KLF15: variants seen among roughly 807,000 people sequenced by gnomAD.
The protein encoded by KLF15 is KLF transcription factor 15, also known as Krueppel-like factor 15.
KLF15 carries 4 observed loss-of-function variants against 24.6 expected under a neutral mutation model. That is an observed-to-expected ratio of 0.16 (90% CI 0.08 to 0.37). The LOEUF (loss-of-function observed/expected upper bound fraction) is 0.37. KLF15 is among the 10% of genes least tolerant of loss of function. KLF15 has a pLI of 1.00. For synonymous variants in KLF15, 246 were observed against 236.3 expected, an observed-to-expected ratio of 1.04 and a Z score of -0.37; for missense variants, 496 against 560.6, an observed-to-expected ratio of 0.88 and a Z score of 1.16.
chr3:126,311,415 C>T, the KLF15 span, among the ~76,000 whole-genome samples: 2 of 152,194 alleles, frequency 1.3e-5, no homozygotes, highest in Non-Finnish European at 2.9e-5. Flanking sequence ...AGGTGTTCAC[C>T]TCGGGTGAAC....
the KLF15 span, among the ~76,000 whole-genome samples, chr3:126,333,834 C>G: frequency 7.0e-6 from 1 of 143,442 alleles, no homozygotes; most frequent in Non-Finnish European, 1.5e-5. Context: ...AAGGCCATTA[C>G]ATAATGGTAA....
the KLF15 span, among the ~76,000 whole-genome samples, chr3:126,307,247 C>T: frequency 6.6e-6 from 1 of 152,178 alleles, no homozygotes; most frequent in South Asian, 2.1e-4. Context: ...CCACCCAGCA[C>T]CCTTCCTGGG....
the KLF15 span, among the ~76,000 whole-genome samples, chr3:126,290,203 A>T: frequency 6.6e-6 from 1 of 150,794 alleles, no homozygotes; most frequent in Non-Finnish European, 1.5e-5. Context: ...TCACATTTCT[A>T]TTTTGCTTTT....
the KLF15 span, among the ~76,000 whole-genome samples, chr3:126,297,190 T>C: frequency 6.6e-6 from 1 of 152,126 alleles, no homozygotes; most frequent in South Asian, 2.1e-4. Flanking sequence ...TGTTTTATAT[T>C]TGCTTAAAGA....
rs1331947552 is a variant in KLF15 at position 126,356,372 on chromosome 3, C to T, written c.-26+865G>A. On this transcript the variant is annotated intron_variant, in intron 1 of 2. Transcript: ENST00000296233. The surrounding 1 kb of genome is among the most constrained non-coding windows in gnomAD (Gnocchi z 4.4). ...TCCGAGGGCCGTGGGAGAAAACAGC[C>T]CCTCTGTGCCCTCCGTGAGAGGGGG... Among the ~76,000 whole-genome samples, 1 of 152,140 alleles carries T rather than the reference C, an allele frequency of 6.6e-6. No homozygotes were observed. Among genetic ancestry groups the T allele is most frequent in the African/African-American group, 2.4e-5 (1 of 41,434 alleles).
chr3:126,305,620 GTCACACT>G, the KLF15 span, among the ~76,000 whole-genome samples: 63,909 of 151,770 alleles, frequency 0.42, 13,685 homozygotes, highest in African/African-American at 0.46. Flanking sequence ...GGGCTATCTG[GTCACACT>G]TACTGCAAGG....
chr3:126,311,937 C>A, the KLF15 span, among the ~76,000 whole-genome samples: 1 of 152,146 alleles, frequency 6.6e-6, no homozygotes, highest in Non-Finnish European at 1.5e-5. Context: ...TGGGTTGAGC[C>A]CTCTTGTTGG....
chr3:126,313,255 C>T, the KLF15 span, among the ~76,000 whole-genome samples: 399 of 152,260 alleles, frequency 2.6e-3, 2 homozygotes, highest in African/African-American at 9.1e-3. Context: ...AGAGACAGGC[C>T]GTGGGAGAAT....
At chr3:126,329,816 A>T in the KLF15 span, among the ~76,000 whole-genome samples, 1 of 147,118 alleles carries the variant, frequency 6.8e-6, no homozygotes, top group African/African-American at 2.5e-5. Flanking sequence ...GTTTTCCATT[A>T]AAGTTTCAGC....
At chr3:126,351,073 G>A (rs566633225) in intron 2 of KLF15, among the ~76,000 whole-genome samples, 8 of 108,922 alleles carry the variant, frequency 7.3e-5, no homozygotes, top group Admixed American at 3.9e-4. Flanking sequence ...AGCAGCACCC[G>A]GTGCTCAGGG....
chr3:126,352,272 G>C lies in KLF15; in HGVS notation c.651C>G (p.Ile217Met). The C allele has an allele frequency of 6.5e-7, 1 of 1,541,046 alleles. No homozygotes were observed. The highest frequency in any genetic ancestry group is 1.4e-5 in the African/African-American group (1 of 72,752). The part of the protein sequence containing the change: ...PGGGPTPDGP[I>M]PVLLQIQPVP... ...CGGGCTGGATCTGCAGCAACACTGG[G>C]ATGGGGCCATCAGGCGTGGGGCCCC... The change falls in exon 2 of 3, where the codon ATC becomes ATG. Residue 217 changes from isoleucine (I) to methionine (M), a missense_variant. Coordinates refer to ENST00000296233, the MANE Select transcript of KLF15 (RefSeq NM_014079.4).
Position 126,343,574 on chromosome 3 carries a change from T to G in KLF15, c.*153A>C. On this transcript the variant is annotated 3_prime_UTR_variant, in exon 3 of 3. Coordinates refer to ENST00000296233, the MANE Select transcript of KLF15 (RefSeq NM_014079.4). ...TAAGTACTCCCGAGAAAGGCAGCGG[T>G]TGGCGGGCCCTGGGTTCACACCTCC... 1 of 712,662 alleles carries G rather than the reference T, an allele frequency of 1.4e-6. No individual in the cohort carries two copies. The highest frequency in any genetic ancestry group is 2.3e-6 in the Non-Finnish European group (1 of 441,584). The allele number at this position is 712,662 out of a possible 1,614,324, so 44.1% of individuals were successfully genotyped here. A position where few individuals can be genotyped will look rare whatever the true frequency, so the allele number is the denominator to read the frequency against.
At chr3:126,289,921 G>A in the KLF15 span, among the ~76,000 whole-genome samples, 11 of 152,184 alleles carry the variant, frequency 7.2e-5, no homozygotes, top group African/African-American at 1.9e-4. Context: ...AGCTGGAGGG[G>A]ACAGAGGGAG....
chr3:126,307,751 C>T, the KLF15 span, among the ~76,000 whole-genome samples: 1 of 152,204 alleles, frequency 6.6e-6, no homozygotes, highest in South Asian at 2.1e-4. Flanking sequence ...TGGTGACTAT[C>T]CACTGGCTAA....
In KLF15 at chr3:126,352,032, C is replaced by A. The variant is rs2082586870; in HGVS notation, c.891G>T (p.Gly297=). Reference sequence around the variant, plus strand: ...CCATGAGGAGACCGGCAGGGCCAGGCCCCAGGGGTCCCGATCCAACAGGCT... The same window carrying A: ...CCATGAGGAGACCGGCAGGGCCAGGACCCAGGGGTCCCGATCCAACAGGCT... ...AAKPVGSGPL[G]PGPAGLLMGQ... Residue 297 remains glycine (G), a synonymous_variant, in exon 2 of 3, where the codon GGG becomes GGT. Transcript: ENST00000296233. 20 of 1,531,820 alleles carry A rather than the reference C, an allele frequency of 1.3e-5. No homozygotes were observed. Among genetic ancestry groups the A allele is most frequent in the Non-Finnish European group, 1.8e-5 (20 of 1,137,242 alleles). The allele number at this position is 1,531,820 out of a possible 1,614,324, so 94.9% of individuals were successfully genotyped here.
the KLF15 span, among the ~76,000 whole-genome samples, chr3:126,331,909 C>T: frequency 5.9e-5 from 9 of 152,342 alleles, no homozygotes; most frequent in South Asian, 6.2e-4. Context: ...ACACCTGGCT[C>T]GGAGGGTCCT....
At chr3:126,323,447 T>TATA in the KLF15 span, among the ~76,000 whole-genome samples, 2 of 52,222 alleles carry the variant, frequency 3.8e-5, no homozygotes, top group South Asian at 5.4e-4. Flanking sequence ...CATATATATG[T>TATA]TATATATATA....
At chr3:126,353,366 A>G (rs569622292) in intron 1 of KLF15, among the ~76,000 whole-genome samples, 2 of 152,292 alleles carry the variant, frequency 1.3e-5, no homozygotes, top group South Asian at 2.1e-4. Context: ...TCCTGACCTC[A>G]GCTTCACGCC....
chr3:126,317,769 A>G, the KLF15 span, among the ~76,000 whole-genome samples: 5 of 152,108 alleles, frequency 3.3e-5, no homozygotes, highest in East Asian at 9.6e-4. Flanking sequence ...TTCCAAGTGT[A>G]CTTTACCTCC....
Sources: gnomAD v4.1 joint callset for allele counts (sites outside exome capture counted in the v4.1 genomes callset) on GRCh38, gnomAD v4.1.1 for gene constraint, Gnocchi (gnomAD v3.1) non-coding constraint, MANE v1.5 for transcripts, NCBI Gene and HGNC (gene_info 2026-07-23, HGNC 2026-07-21) for gene names.